Variants in GALNT14 observed in about 807,000 individuals in gnomAD.
GALNT14 encodes the protein polypeptide N-acetylgalactosaminyltransferase 14.
Under a neutral mutation model 77.5 loss-of-function variants are expected in GALNT14, and 60 were observed. The ratio of observed to expected loss-of-function variants is 0.77; its 90% CI spans 0.63 to 0.96. GALNT14 has a LOEUF of 0.96. Ranked by LOEUF, GALNT14 falls within the 40% of genes least tolerant of loss-of-function variation. GALNT14 has a pLI of 0.00. For missense variants in GALNT14, 710 were observed against 731.0 expected, an observed-to-expected ratio of 0.97 and a Z score of 0.33; for synonymous variants, 280 against 281.7, an observed-to-expected ratio of 0.99 and a Z score of 0.06.
intron 1 of GALNT14, among the ~76,000 whole-genome samples, chr2:31,085,646 A>T (rs1676391313): frequency 6.6e-6 from 1 of 152,202 alleles, no homozygotes; most frequent in Non-Finnish European, 1.5e-5. Flanking sequence ...CTCCACCCTC[A>T]GGGGCTCATG....
At chr2:31,137,669 T>C (rs1042425533) in intron 1 of GALNT14, among the ~76,000 whole-genome samples, 1 of 151,944 alleles carries the variant, frequency 6.6e-6, no homozygotes, top group African/African-American at 2.4e-5. Flanking sequence ...CAGAGCCCCC[T>C]CCGCCCCGGG....
intron 1 of GALNT14, among the ~76,000 whole-genome samples, chr2:31,008,386 T>A (rs1258422015): frequency 1.3e-5 from 2 of 152,134 alleles, no homozygotes; most frequent in African/African-American, 4.8e-5. Flanking sequence ...TATGAACCAC[T>A]GCACCCTGCC....
chr2:30,915,778 C>T (rs1198584462), intron 13 of GALNT14, among the ~76,000 whole-genome samples: 1 of 152,154 alleles, frequency 6.6e-6, no homozygotes, highest in African/African-American at 2.4e-5. Context: ...AACAGCTGAA[C>T]AGGCAGGCCT....
rs775203378 is a variant in GALNT14 at position 30,911,020 on chromosome 2, A to T, written c.1540T>A (p.Ser514Thr). Residue 514 changes from serine (S) to threonine (T), a missense_variant, in exon 15 of 15, where the codon TCC (serine) becomes ACC (threonine). Physicochemically the swap from Ser to Thr is moderately conservative, Grantham distance 58. Coordinates refer to ENST00000349752, the MANE Select transcript of GALNT14 (RefSeq NM_024572.4). ...KTGSHIEHIA[S>T]HLCLDTDMFG... is the part of the protein sequence containing the mutation. The stretch of plus-strand genomic sequence containing the variant: ...ATATCTGTATCGAGGCAGAGGTGGG[A>T]TGCTATGTGCTCGATGTGGGAACCA... The T allele has an allele frequency of 6.2e-7, 1 of 1,613,938 alleles. No individual in the cohort carries two copies. The highest frequency in any genetic ancestry group is 2.2e-5 in the East Asian group (1 of 44,842).
At chr2:30,904,604 C>A in the GALNT14 span, among the ~76,000 whole-genome samples, 1 of 152,234 alleles carries the variant, frequency 6.6e-6, no homozygotes, top group African/African-American at 2.4e-5. Context: ...AGTCTGAGAT[C>A]AAACTGCAAG....
chr2:30,951,299 G>A (rs1165978341), intron 6 of GALNT14, among the ~76,000 whole-genome samples: 1 of 152,142 alleles, frequency 6.6e-6, no homozygotes, highest in Non-Finnish European at 1.5e-5. Flanking sequence ...CATGGATAAA[G>A]CCCAAAGATA....
Position 30,929,384 on chromosome 2 carries a change from G to C in GALNT14, c.1151+11C>G. The C allele has an allele frequency of 2.5e-6, 4 of 1,610,222 alleles. No homozygotes were observed. Among genetic ancestry groups the C allele is most frequent in the Non-Finnish European group, 3.4e-6 (4 of 1,176,592 alleles). Reference sequence around the variant, plus strand: ...CAGTCTCTGCCCTCCTCAACCTGAAGGGACACTTACTTCCCGAAGGGCCTC... The same window carrying C: ...CAGTCTCTGCCCTCCTCAACCTGAACGGACACTTACTTCCCGAAGGGCCTC... On this transcript the variant is annotated intron_variant, in intron 11 of 14. Transcript: ENST00000349752.
At chr2:30,897,116 C>T in the GALNT14 span, among the ~76,000 whole-genome samples, 13 of 152,122 alleles carry the variant, frequency 8.5e-5, no homozygotes, top group Admixed American at 8.5e-4. Context: ...CTTTACCTGC[C>T]CCCCACTTTT....
chr2:31,016,095 C>T (rs569026134), intron 1 of GALNT14, among the ~76,000 whole-genome samples: 3 of 152,176 alleles, frequency 2.0e-5, no homozygotes, highest in African/African-American at 4.8e-5. Flanking sequence ...CCATAGACCA[C>T]GGGGCTTAAA....
At chr2:30,944,778 T>C in intron 8 of GALNT14, 80 bp downstream of exon 8, 1 of 1,098,770 alleles carries the variant, frequency 9.1e-7, no homozygotes, top group Non-Finnish European at 1.3e-6. Context: ...CTTTGACATC[T>C]GATATTGAGC....
chr2:30,955,583 C>T lies in GALNT14; in HGVS notation c.654+35G>A, dbSNP rs76147880. 2,330 of 1,603,904 alleles carry T rather than the reference C, an allele frequency of 1.5e-3. 24 individuals carry two copies. In the African/African-American group the frequency reaches 0.028, roughly 19 times the overall value. Reference sequence around the variant, plus strand: ...AGAGAGAGCCTGGAGAAAGCTGGGGCACGAGGCCCGGCCCTGCTCCTCAGC... The same window carrying T: ...AGAGAGAGCCTGGAGAAAGCTGGGGTACGAGGCCCGGCCCTGCTCCTCAGC... On this transcript the variant is annotated intron_variant, in intron 6 of 14. Coordinates refer to ENST00000349752, the MANE Select transcript of GALNT14 (RefSeq NM_024572.4).
chr2:30,923,082 A>ATTTTTTGT (rs1665134840), intron 13 of GALNT14, among the ~76,000 whole-genome samples: 5 of 133,962 alleles, frequency 3.7e-5, no homozygotes, highest in African/African-American at 1.6e-4. Flanking sequence ...TTTTTTTTGA[A>ATTTTTTGT]ATGGAGTTTC....
intron 2 of GALNT14, among the ~76,000 whole-genome samples, chr2:30,989,736 G>C (rs2148398474): frequency 7.1e-6 from 1 of 141,760 alleles, no homozygotes; most frequent in South Asian, 2.2e-4. Context: ...TATATTATTT[G>C]ATCTTTATAA....
chr2:31,002,852 C>T (rs1670447979), intron 1 of GALNT14, among the ~76,000 whole-genome samples: 1 of 152,176 alleles, frequency 6.6e-6, no homozygotes, highest in Non-Finnish European at 1.5e-5. Flanking sequence ...TGCCTGGGCT[C>T]ATGCAAAGGA....
chr2:30,902,560 C>G, the GALNT14 span, among the ~76,000 whole-genome samples: 1 of 152,166 alleles, frequency 6.6e-6, no homozygotes, highest in African/African-American at 2.4e-5. Context: ...GTTTGTCCCC[C>G]TGGGGCTGAG....
chr2:30,899,213 C>T, the GALNT14 span, among the ~76,000 whole-genome samples: 6 of 152,236 alleles, frequency 3.9e-5, no homozygotes, highest in Non-Finnish European at 5.9e-5. Flanking sequence ...TTCCTTCCTT[C>T]ATCCCAGGAA....
intron 1 of GALNT14, among the ~76,000 whole-genome samples, chr2:31,108,633 C>A (rs549583978): frequency 7.9e-5 from 12 of 152,224 alleles, no homozygotes; most frequent in Admixed American, 2.0e-4. Context: ...AGGATAAAAA[C>A]AATCCTTTGA....
At chr2:31,034,403 C>T (rs1481871194) in intron 1 of GALNT14, among the ~76,000 whole-genome samples, 1 of 152,142 alleles carries the variant, frequency 6.6e-6, no homozygotes, top group East Asian at 1.9e-4. Flanking sequence ...TCAATGTCTC[C>T]TTCCAGCTCA....
chr2:30,926,860 G>A (rs1665419033), intron 11 of GALNT14, among the ~76,000 whole-genome samples: 1 of 152,152 alleles, frequency 6.6e-6, no homozygotes, highest in African/African-American at 2.4e-5. Context: ...GGGGCCAGGA[G>A]AAAGGAGGGG....
Sources: gnomAD v4.1 joint callset for allele counts (sites outside exome capture counted in the v4.1 genomes callset) on GRCh38, gnomAD v4.1.1 for gene constraint, MANE v1.5 for transcripts, NCBI Gene and HGNC (gene_info 2026-07-23, HGNC 2026-07-21) for gene names.